The following LINC00632 variants were observed in gnomAD, a reference collection of about 807,000 sequenced individuals.
LINC00632 encodes the protein ALDOA related specific transcript.
exon 5 of LINC00632, chrX:140,784,275 ACGTCTTCC>A (rs1180884132): frequency 8.3e-7 from 1 of 1,204,797 alleles, no homozygotes; most frequent in African/African-American, 1.9e-5. Flanking sequence ...CAACAAAGGT[ACGTCTTCC>A]AACAAAGGTA....
chrX:140,726,754 C>T (rs1387948509), intron 2 of LINC00632, among the ~76,000 whole-genome samples: 4 of 111,996 alleles, frequency 3.6e-5, no homozygotes, highest in African/African-American at 9.7e-5. Flanking sequence ...CCTCACAATA[C>T]AGAAACATGC....
At chrX:140,729,834 C>T (rs1418074833) in intron 2 of LINC00632, among the ~76,000 whole-genome samples, 1 of 108,880 alleles carries the variant, frequency 9.2e-6, no homozygotes, top group Non-Finnish European at 1.9e-5. Flanking sequence ...CAATCCACAG[C>T]TTTCCCATGT....
intron 2 of LINC00632, chrX:140,714,112 C>G (rs1930574548): frequency 1.1e-5 from 2 of 183,263 alleles, no homozygotes; most frequent in Non-Finnish European, 2.1e-5. Context: ...ACCATAGACT[C>G]GTCCTAGAGC....
chrX:140,771,444 A>G (rs1335542060), intron 3 of LINC00632, among the ~76,000 whole-genome samples: 1 of 107,981 alleles, frequency 9.3e-6, no homozygotes, highest in Non-Finnish European at 1.9e-5. Flanking sequence ...AGGTGATGAA[A>G]GAAATCAATT....
At chrX:140,746,219 A>C (rs1377172629) in intron 3 of LINC00632, among the ~76,000 whole-genome samples, 1 of 112,195 alleles carries the variant, frequency 8.9e-6, no homozygotes, top group Admixed American at 9.5e-5. Context: ...AAACATTTAA[A>C]ATCTACTCTT....
At chrX:140,760,020 A>G (rs1485088696) in intron 3 of LINC00632, among the ~76,000 whole-genome samples, 3 of 112,135 alleles carry the variant, frequency 2.7e-5, no homozygotes, top group Non-Finnish European at 3.8e-5. Flanking sequence ...TAGGCTGGTA[A>G]TACAAAGACA....
rs146671417 is a variant in LINC00632 at position 140,716,626 on chromosome X, C to T, written n.104+4970C>T. The stretch of plus-strand genomic sequence containing the variant: ...TACCCACATACCCTACAGACCAGAA[C>T]CCTAACCAGATATCACTCACAACAC... On this transcript the variant is annotated intron_variant and non_coding_transcript_variant, in intron 2 of 4. Coordinates refer to ENST00000648200, the Ensembl canonical transcript of LINC00632. Among the ~76,000 whole-genome samples, 358 of 110,168 alleles carry T rather than the reference C, an allele frequency of 3.2e-3. 1 individual carries two copies. Among genetic ancestry groups the T allele is most frequent in the African/African-American group, 0.011 (327 of 30,272 alleles).
intron 2 of LINC00632, among the ~76,000 whole-genome samples, chrX:140,723,269 ACACACACACATTCCATACACGTG>A (rs1189777344): frequency 1.2e-4 from 4 of 33,752 alleles, no homozygotes; most frequent in Admixed American, 3.2e-4. Context: ...CATTCCATAC[ACACACACACATTCCATACACGTG>A]CACACACACA....
intron 3 of LINC00632, among the ~76,000 whole-genome samples, chrX:140,747,625 C>T (rs1931346955): frequency 9.0e-6 from 1 of 110,641 alleles, no homozygotes. Context: ...CATGTGAAGC[C>T]AGGTGTACTG....
chrX:140,755,653 A>C (rs748108408), intron 3 of LINC00632, among the ~76,000 whole-genome samples: 48 of 112,168 alleles, frequency 4.3e-4, no homozygotes, highest in African/African-American at 1.5e-3. Flanking sequence ...ATGCTTACAG[A>C]ATTGCCCTCT....
At chrX:140,771,585 A>G (rs1353366879) in intron 3 of LINC00632, among the ~76,000 whole-genome samples, 1 of 100,895 alleles carries the variant, frequency 9.9e-6, no homozygotes, top group Non-Finnish European at 2.0e-5. Flanking sequence ...AATTGGTACA[A>G]CCTTTGCAAG....
At chrX:140,714,715 C>T (rs1930587070) in intron 2 of LINC00632, 2 of 108,708 alleles carry the variant, frequency 1.8e-5, no homozygotes, top group African/African-American at 6.7e-5. Flanking sequence ...TCAGCTGCTC[C>T]GGAGGCTGAG....
intron 3 of LINC00632, among the ~76,000 whole-genome samples, chrX:140,764,959 C>T (rs1931663103): frequency 9.0e-6 from 1 of 111,576 alleles, no homozygotes; most frequent in Admixed American, 9.5e-5. Context: ...ACGAGCAAGG[C>T]ACTCGCCTCG....
chrX:140,774,150 TA>T (rs1931843337), exon 4 of LINC00632, among the ~76,000 whole-genome samples: 1 of 111,990 alleles, frequency 8.9e-6, no homozygotes, highest in South Asian at 3.7e-4. Flanking sequence ...AGTTGAGAAA[TA>T]TTTTGGAGAT....
At chrX:140,716,464 A>C (rs992742864) in intron 2 of LINC00632, among the ~76,000 whole-genome samples, 2 of 110,600 alleles carry the variant, frequency 1.8e-5, no homozygotes, top group Non-Finnish European at 3.8e-5. Context: ...AACCATCACT[A>C]TCATTACTAC....
chrX:140,767,107 A>G (rs1410166410), intron 3 of LINC00632, among the ~76,000 whole-genome samples: 1 of 111,749 alleles, frequency 8.9e-6, no homozygotes, highest in East Asian at 2.8e-4. Context: ...AAAAAATCTT[A>G]ACATCATTAG....
At chrX:140,723,702 CAT>C (rs1930807240) in intron 2 of LINC00632, among the ~76,000 whole-genome samples, 1 of 535 alleles carries the variant, frequency 1.9e-3, no homozygotes, top group African/African-American at 4.0e-3. Flanking sequence ...ACACACATTC[CAT>C]ATACACACAC....
intron 3 of LINC00632, among the ~76,000 whole-genome samples, chrX:140,770,497 A>G (rs1035481180): frequency 8.9e-6 from 1 of 112,190 alleles, no homozygotes; most frequent in African/African-American, 3.2e-5. Context: ...AGATCACGCC[A>G]CTGCACTCCA....
At chrX:140,718,120 G>A (rs955698769) in intron 2 of LINC00632, among the ~76,000 whole-genome samples, 12 of 110,301 alleles carry the variant, frequency 1.1e-4, no homozygotes, top group Non-Finnish European at 2.3e-4. Flanking sequence ...TGGGCAACAA[G>A]AGCGAAACTC....
Sources: allele counts gnomAD v4.1 joint callset (sites outside exome capture counted in the v4.1 genomes callset), GRCh38; gene constraint gnomAD v4.1.1; transcripts MANE v1.5; gene names NCBI Gene and HGNC (gene_info 2026-07-23, HGNC 2026-07-21).